MNAT1: variants seen among roughly 807,000 people sequenced by gnomAD.
MNAT1 encodes the protein CDK-activating kinase assembly factor MAT1.
A neutral mutation model predicts 42.0 loss-of-function variants in MNAT1; 43 were observed. The observed-to-expected ratio is 1.02, with a 90% confidence interval of 0.80 to 1.32. The LOEUF is 1.32. MNAT1 is among the 40% of genes most tolerant of loss of function. The probability of loss-of-function intolerance (pLI) is 0.00; values close to 1 mark genes in which losing one functional copy is unlikely to be tolerated. For missense variants in MNAT1, 306 were observed against 350.4 expected (o/e 0.87, Z 1.01); for synonymous variants, 118 against 120.0 (o/e 0.98, Z 0.11).
intron 6 of MNAT1, among the ~76,000 whole-genome samples, chr14:60,861,644 G>C (rs1475851525): frequency 6.6e-6 from 1 of 152,016 alleles, no homozygotes; most frequent in South Asian, 2.1e-4. Flanking sequence ...GAAGAATTTC[G>C]AGCAAGAAAA....
chr14:60,808,353 G>T lies in MNAT1; in HGVS notation c.345G>T (p.Leu115Phe). Residue 115 changes from leucine (L) to phenylalanine (F), a missense_variant, in exon 4 of 8, where the codon TTG becomes TTT. Physicochemically the swap from Leu to Phe is conservative, Grantham distance 22 (BLOSUM62 0). Around this residue, in one of 3 missense-constraint regions of MNAT1, gnomAD observed 118 missense variants for 99.8 expected, o/e 1.18. Transcript: ENST00000261245. Reference sequence around the variant, plus strand: ...TCAACTTGACCAACAATGTGGATTTGGACAACACCAAAAAGAAAATGGAGA... The same window carrying T: ...TCAACTTGACCAACAATGTGGATTTTGACAACACCAAAAAGAAAATGGAGA... ...IVFNLTNNVDLDNTKKKMEIY... is the reference protein window; with the variant it reads ...IVFNLTNNVDFDNTKKKMEIY... The T allele has an allele frequency of 6.3e-7, 1 of 1,580,288 alleles. No homozygotes were observed. Among genetic ancestry groups the T allele is most frequent in the South Asian group, 1.2e-5 (1 of 83,974 alleles).
At chr14:60,818,617 T>G (rs1345247030) in intron 5 of MNAT1, 105 bp from the exon 6 acceptor site, 3 of 982,854 alleles carry the variant, frequency 3.1e-6, no homozygotes, top group Non-Finnish European at 2.8e-6. Context: ...GAATATTTAG[T>G]TTGACATGAA....
At chr14:60,871,075 T>C (rs1411046723) in intron 6 of MNAT1, among the ~76,000 whole-genome samples, 2 of 152,226 alleles carry the variant, frequency 1.3e-5, no homozygotes, top group Non-Finnish European at 2.9e-5. Context: ...CAATATTTCA[T>C]TCATTTTTAT....
intron 7 of MNAT1, among the ~76,000 whole-genome samples, chr14:60,882,090 G>A (rs2034563277): frequency 6.6e-6 from 1 of 152,176 alleles, no homozygotes; most frequent in South Asian, 2.1e-4. Context: ...GAACCTGGGA[G>A]GCAGAGGTTG....
chr14:60,768,180 C>T (rs1433854789), intron 1 of MNAT1, among the ~76,000 whole-genome samples: 6 of 152,178 alleles, frequency 3.9e-5, no homozygotes, highest in African/African-American at 7.2e-5. Context: ...GGTTTATAGG[C>T]GTGAGCCACC....
At chr14:60,748,209 AAAG>A (rs2029914858) in intron 1 of MNAT1, among the ~76,000 whole-genome samples, 1 of 152,214 alleles carries the variant, frequency 6.6e-6, no homozygotes, top group African/African-American at 2.4e-5. Context: ...AAAAAAAAAA[AAAG>A]AAGAAAATAT....
rs869120686 is a variant in MNAT1, at chr14:60,755,165, A to AT, written c.89+20227dup. Among the ~76,000 whole-genome samples the AT allele has an allele frequency of 4.5e-4, 66 of 146,930 alleles. 1 individual carries two copies. Among genetic ancestry groups the AT allele is most frequent in the African/African-American group, 8.0e-4 (32 of 40,182 alleles). On this transcript the variant is annotated intron_variant, in intron 1 of 7. Coordinates refer to ENST00000261245, the MANE Select transcript of MNAT1 (RefSeq NM_002431.4). Reference sequence around the variant, plus strand: ...AGGTGTGTGCCACCATGCCTACCTAATTTTTTTTTTTTTAGTTGCCCAGGC... The same window carrying AT: ...AGGTGTGTGCCACCATGCCTACCTAATTTTTTTTTTTTTTAGTTGCCCAGGC...
chr14:60,778,065 A>G (rs1476799060), intron 1 of MNAT1, among the ~76,000 whole-genome samples: 3 of 152,138 alleles, frequency 2.0e-5, no homozygotes, highest in East Asian at 1.9e-4. Flanking sequence ...TGATTCTTTT[A>G]AGATTCTGAG....
intron 6 of MNAT1, among the ~76,000 whole-genome samples, chr14:60,862,850 G>A (rs1020680771): frequency 6.6e-6 from 1 of 152,084 alleles, no homozygotes; most frequent in Non-Finnish European, 1.5e-5. Context: ...TGGAAGCGTT[G>A]ACTATTTTAA....
intron 6 of MNAT1, among the ~76,000 whole-genome samples, chr14:60,860,923 C>T (rs1045629944): frequency 1.3e-5 from 2 of 151,944 alleles, no homozygotes; most frequent in African/African-American, 2.4e-5. Context: ...ATTACTTCAC[C>T]AAGAATAGTT....
At chr14:60,940,145 T>C (rs2036110072) in intron 7 of MNAT1, among the ~76,000 whole-genome samples, 1 of 152,140 alleles carries the variant, frequency 6.6e-6, no homozygotes, top group African/African-American at 2.4e-5. Context: ...TGAGATGGGT[T>C]TCCTGAATAC....
intron 7 of MNAT1, among the ~76,000 whole-genome samples, chr14:60,947,659 G>A (rs1289294545): frequency 2.6e-5 from 4 of 152,026 alleles, no homozygotes; most frequent in Non-Finnish European, 4.4e-5. Context: ...CTCCAGCCTC[G>A]GCAACAAAGT....
intron 7 of MNAT1, among the ~76,000 whole-genome samples, chr14:60,914,977 G>A (rs185676823): frequency 7.2e-5 from 11 of 152,306 alleles, no homozygotes; most frequent in South Asian, 4.1e-4. Flanking sequence ...ACCAGCCAGC[G>A]TTGGCTGATT....
Position 60,879,626 on chromosome 14 carries a change from A to G in MNAT1, c.688-88A>G. 3.8e-6 allele frequency: 5 copies of G among 1,311,726 alleles called. No individual in the cohort carries two copies. In the South Asian group the frequency reaches 7.2e-5, roughly 19 times the overall value. 81.3% of individuals were successfully genotyped at this position (1,311,726 alleles called of 1,614,324 possible). The stretch of plus-strand genomic sequence containing the variant: ...AATGGCTAATACTTCTAATGTGAGG[A>G]ATTTAATTCATCTTTAAAATGATTA... On this transcript the variant is annotated intron_variant, in intron 6 of 7. Coordinates refer to ENST00000261245, the MANE Select transcript of MNAT1 (RefSeq NM_002431.4).
chr14:60,835,015 C>A (rs2033348509), intron 6 of MNAT1, among the ~76,000 whole-genome samples: 1 of 137,000 alleles, frequency 7.3e-6, no homozygotes, highest in East Asian at 2.3e-4. Context: ...CTCCCTCTCT[C>A]TCTCATTCAT....
intron 7 of MNAT1, among the ~76,000 whole-genome samples, chr14:60,923,742 G>T (rs1361346291): frequency 6.6e-6 from 1 of 152,144 alleles, no homozygotes; most frequent in East Asian, 1.9e-4. Flanking sequence ...ACTTTGAGAG[G>T]CTGAGGCAGG....
chr14:60,832,140 T>A (rs1243900797), intron 6 of MNAT1, among the ~76,000 whole-genome samples: 2 of 152,220 alleles, frequency 1.3e-5, no homozygotes, highest in African/African-American at 4.8e-5. Context: ...GCCTATTCAC[T>A]CTGATGACAG....
intron 1 of MNAT1, among the ~76,000 whole-genome samples, chr14:60,743,380 C>T (rs1005468894): frequency 6.6e-6 from 1 of 152,130 alleles, no homozygotes; most frequent in Non-Finnish European, 1.5e-5. Flanking sequence ...CCTCCGCCTC[C>T]CAGGTTCAAG....
At chr14:60,776,000 TG>T (rs2031236620) in intron 1 of MNAT1, among the ~76,000 whole-genome samples, 1 of 152,230 alleles carries the variant, frequency 6.6e-6, no homozygotes, top group Non-Finnish European at 1.5e-5. Context: ...GGTTATGAGA[TG>T]TTTTTCTTCA....
Sources: allele counts gnomAD v4.1 joint callset (sites outside exome capture counted in the v4.1 genomes callset), GRCh38; gene constraint gnomAD v4.1.1; regional missense constraint gnomAD v4.1.1; transcripts MANE v1.5; gene names NCBI Gene and HGNC (gene_info 2026-07-23, HGNC 2026-07-21).